The following KAT6A variants were observed in gnomAD, a reference collection of about 807,000 sequenced individuals.
KAT6A encodes lysine acetyltransferase 6A.
In KAT6A, 9 loss-of-function variants were observed where a neutral mutation model predicts 198.4. That is an observed-to-expected ratio of 0.05 (90% CI 0.03 to 0.08). KAT6A has a LOEUF of 0.08. Among genes scored for constraint, KAT6A ranks in the 10% least tolerant of loss-of-function variants. The probability of loss-of-function intolerance (pLI) is 1.00; values close to 1 mark genes in which losing one functional copy is unlikely to be tolerated. For missense variants in KAT6A, 2,077 were observed against 2,509.9 expected (o/e 0.83, Z 3.69); for synonymous variants, 890 against 883.0 (o/e 1.01, Z -0.14).
intron 6 of KAT6A, 53 bp downstream of exon 6, chr8:41,978,589 A>G: frequency 1.3e-6 from 2 of 1,585,536 alleles, no homozygotes; most frequent in Non-Finnish European, 1.7e-6. Flanking sequence ...ATCCTACACT[A>G]TAGAGAAGAC....
chr8:42,041,894 G>T (rs1039604787), intron 2 of KAT6A, among the ~76,000 whole-genome samples: 13 of 151,598 alleles, frequency 8.6e-5, no homozygotes, highest in Admixed American at 3.3e-4. Context: ...AAGATTTTTT[G>T]TTTTTTTTGT....
At chr8:41,986,378 A>G (rs1192204055) in intron 3 of KAT6A, among the ~76,000 whole-genome samples, 2 of 152,236 alleles carry the variant, frequency 1.3e-5, no homozygotes, top group African/African-American at 2.4e-5. Context: ...CCAATGTGAC[A>G]TATGTAAGTT....
At chr8:42,026,801 G>C (rs1017164409) in intron 2 of KAT6A, among the ~76,000 whole-genome samples, 11 of 151,922 alleles carry the variant, frequency 7.2e-5, no homozygotes, top group African/African-American at 2.7e-4. Flanking sequence ...CCAGTACTAC[G>C]CTGAATACGA....
intron 2 of KAT6A, among the ~76,000 whole-genome samples, chr8:42,033,697 C>G (rs1587850426): frequency 6.6e-6 from 1 of 152,272 alleles, no homozygotes. Flanking sequence ...CATCAGAGCA[C>G]TTATCACCAT....
chr8:42,009,894 CA>C (rs538642816), intron 2 of KAT6A, among the ~76,000 whole-genome samples: 1,826 of 49,104 alleles, frequency 0.037, 13 homozygotes, highest in African/African-American at 0.081. Flanking sequence ...AGCCCTGTCT[CA>C]AAAAAAAAAA....
At chr8:41,978,870 A>G in intron 5 of KAT6A, 93 bp from the exon 6 acceptor site, 2 of 1,189,632 alleles carry the variant, frequency 1.7e-6, no homozygotes, top group Non-Finnish European at 2.4e-6. Flanking sequence ...TAACTTTTTC[A>G]GGTAAAAGAC....
rs1376143480 is a variant in KAT6A, at chr8:41,941,298, C to T, written c.2583G>A (p.Gln861=). 1 of 1,613,916 alleles carries T rather than the reference C, an allele frequency of 6.2e-7. No homozygotes were observed. Among genetic ancestry groups the T allele is most frequent in the African/African-American group, 1.3e-5 (1 of 74,912 alleles). The change falls in exon 15 of 17, where the codon CAG becomes CAA. Residue 861 remains glutamine (Q), a synonymous_variant. Transcript: ENST00000265713. ...LPHDSLPANS[Q]PSRRGRWGRK... ...TCCCCCAGCGGCCCCTCCGAGATGGCTGGCTATTTGCAGGAAGACTATCAT... is the reference window on the plus strand; with the variant it reads ...TCCCCCAGCGGCCCCTCCGAGATGGTTGGCTATTTGCAGGAAGACTATCAT...
intron 2 of KAT6A, among the ~76,000 whole-genome samples, chr8:41,992,279 G>A (rs1167569059): frequency 6.6e-6 from 1 of 152,098 alleles, no homozygotes; most frequent in African/African-American, 2.4e-5. Context: ...GAGAGCCCTT[G>A]TCAGTGACAG....
At chr8:42,018,857 G>T (rs1220137080) in intron 2 of KAT6A, among the ~76,000 whole-genome samples, 1 of 152,088 alleles carries the variant, frequency 6.6e-6, no homozygotes, top group Admixed American at 6.5e-5. Context: ...GGAGGCAGAG[G>T]TTGCAGTGAG....
At chr8:41,938,128 A>G (rs1221500581) in intron 15 of KAT6A, among the ~76,000 whole-genome samples, 4 of 152,212 alleles carry the variant, frequency 2.6e-5, no homozygotes, top group African/African-American at 9.7e-5. Flanking sequence ...ACTGAGCACA[A>G]CTTTGCACTG....
chr8:42,015,828 C>CA (rs1165315982), intron 2 of KAT6A, among the ~76,000 whole-genome samples: 1 of 152,068 alleles, frequency 6.6e-6, no homozygotes, highest in Non-Finnish European at 1.5e-5. Context: ...CCAAAACAGC[C>CA]AAAAAATCTG....
At chr8:41,996,428 C>T (rs75032380) in intron 2 of KAT6A, among the ~76,000 whole-genome samples, 114 of 152,300 alleles carry the variant, frequency 7.5e-4, no homozygotes, top group Middle Eastern at 3.4e-3. Context: ...AACACTCAAA[C>T]ATGCACTAAG....
At chr8:42,049,622 G>C (rs1337246301) in intron 1 of KAT6A, 1 of 152,468 alleles carries the variant, frequency 6.6e-6, no homozygotes, top group Non-Finnish European at 1.5e-5. Flanking sequence ...CTGCTCACCA[G>C]TCTAGGAATT....
chr8:41,934,184 C>T lies in KAT6A; in HGVS notation c.4036G>A (p.Gly1346Ser), dbSNP rs751403150. ...GCATCTAAAAAAGACTCTTGAACAC[C>T]AGGCTCCTCCTTGACATCTTCCCTC... ...PTREDVKEEPGVQESFLDANM... is the reference protein window; with the variant it reads ...PTREDVKEEPSVQESFLDANM... Residue 1346 changes from glycine to serine, a missense_variant, in exon 17 of 17, where the codon GGT becomes AGT. This residue lies in a region of KAT6A where 375 missense variants were observed against 383.0 expected (regional missense o/e 0.98). Coordinates refer to ENST00000265713, the MANE Select transcript of KAT6A (RefSeq NM_006766.5). 5.6e-6 allele frequency: 9 copies of T among 1,614,038 alleles called. No homozygotes were observed. The African/African-American group carries it at 1.1e-4, about 19-fold the overall frequency.
intron 2 of KAT6A, among the ~76,000 whole-genome samples, chr8:42,035,181 T>C (rs574666444): frequency 2.0e-5 from 3 of 152,234 alleles, no homozygotes; most frequent in East Asian, 3.9e-4. Context: ...TGGGATGGAA[T>C]AGAACTGAAT....
chr8:41,984,713 T>G (rs1288571462), intron 3 of KAT6A, among the ~76,000 whole-genome samples: 1 of 152,214 alleles, frequency 6.6e-6, no homozygotes, highest in Non-Finnish European at 1.5e-5. Context: ...GCACAGTGGT[T>G]CACGCCTGTA....
chr8:41,949,282 A>G lies in KAT6A; in HGVS notation c.1680T>C (p.Cys560=). 6.3e-7 allele frequency: 1 copy of G among 1,575,742 alleles called. No individual in the cohort carries two copies. Among genetic ancestry groups the G allele is most frequent in the Non-Finnish European group, 8.6e-7 (1 of 1,162,258 alleles). ...CATTGGCAGGAGGATGGAACCAACC[A>G]CATTTCTTCATGTGCTGCTGCAGAA... ...RTILQQHMKK[C]GWFHPPANEI... Residue 560 remains cysteine, a synonymous_variant, in exon 10 of 17, where the codon TGT becomes TGC. Coordinates refer to ENST00000265713, the MANE Select transcript of KAT6A (RefSeq NM_006766.5).
At chr8:41,999,791 C>T (rs1825397147) in intron 2 of KAT6A, among the ~76,000 whole-genome samples, 1 of 152,172 alleles carries the variant, frequency 6.6e-6, no homozygotes, top group Non-Finnish European at 1.5e-5. Flanking sequence ...CACTTAGAAA[C>T]AAACTGGGTT....
chr8:41,930,937 T>C lies in KAT6A; in HGVS notation c.*1268A>G. 1 of 209,816 alleles carries C rather than the reference T, an allele frequency of 4.8e-6. No homozygotes were observed. Among genetic ancestry groups the C allele is most frequent in the Non-Finnish European group, 9.7e-6 (1 of 103,160 alleles). The allele number at this position is 209,816 out of a possible 1,614,324, so 13.0% of individuals were successfully genotyped here. A position where few individuals can be genotyped will look rare whatever the true frequency, so the allele number is the denominator to read the frequency against. On this transcript the variant is annotated 3_prime_UTR_variant, in exon 17 of 17. Transcript: ENST00000265713. ...TAGCCACTCACAGGAGAGGTGCTTG[T>C]GCACTCTGATTCACAGGGGATGAAC...
Sources: allele counts gnomAD v4.1 joint callset (sites outside exome capture counted in the v4.1 genomes callset), GRCh38; gene constraint gnomAD v4.1.1; regional missense constraint gnomAD v4.1.1; transcripts MANE v1.5; gene names NCBI Gene and HGNC (gene_info 2026-07-23, HGNC 2026-07-21).